Variants in ZNF665 observed in about 807,000 individuals in gnomAD.
The protein encoded by ZNF665 is zinc finger protein 665.
Under a neutral mutation model 7.9 loss-of-function variants are expected in ZNF665, and 6 were observed. The ratio of observed to expected loss-of-function variants is 0.76; its 90% CI spans 0.42 to 1.50. The LOEUF (loss-of-function observed/expected upper bound fraction) is 1.50, where lower values mean the gene tolerates loss of function less well. Among genes scored for constraint, ZNF665 ranks in the 40% most tolerant of loss-of-function variants. The probability of loss-of-function intolerance (pLI) is 0.01; values close to 1 mark genes in which losing one functional copy is unlikely to be tolerated. For missense variants in ZNF665, 819 were observed against 806.7 expected, an observed-to-expected ratio of 1.02 and a Z score of -0.18; for synonymous variants, 242 against 274.5, an observed-to-expected ratio of 0.88 and a Z score of 1.17.
At position 53,164,765 on chromosome 19, in the gene ZNF665, G is replaced by C. The variant is rs184736845; in HGVS notation, c.1725C>G (p.Cys575Trp). 2.2e-5 allele frequency: 36 copies of C among 1,613,852 alleles called. No homozygotes were observed. The highest frequency in any genetic ancestry group is 2.7e-5 in the Non-Finnish European group (32 of 1,180,006). Residue 575 changes from cysteine (C) to tryptophan (W), a missense_variant, in exon 4 of 4, where the codon TGC becomes TGG. Cys to Trp is a radical substitution (Grantham distance 215, BLOSUM62 -2). Transcript: ENST00000396424. ...TGEKPYKCNE[C>W]GKAFSVHSNL... ...TTGAATGTACACTAAATGCTTTGCC[G>C]CACTCATTACACTTATAAGGTTTCT...
chr19:53,169,788 G>T (rs1261598825), intron 3 of ZNF665, among the ~76,000 whole-genome samples: 1 of 148,384 alleles, frequency 6.7e-6, no homozygotes, highest in Non-Finnish European at 1.5e-5. Context: ...GCGGTGTTTG[G>T]TTTTTTGTTC....
intron 1 of ZNF665, among the ~76,000 whole-genome samples, chr19:53,189,441 G>A (rs557606926): frequency 1.7e-4 from 25 of 148,720 alleles, no homozygotes; most frequent in Admixed American, 1.5e-3. Flanking sequence ...TCCAATGATA[G>A]GTAAGGTCAC....
chr19:53,168,250 T>C (rs530934637), intron 3 of ZNF665, among the ~76,000 whole-genome samples: 11 of 152,190 alleles, frequency 7.2e-5, no homozygotes, highest in Admixed American at 2.0e-4. Flanking sequence ...CTAGTGAGTT[T>C]AGCAAGGTTG....
At chr19:53,177,105 C>T (rs572112568) in intron 2 of ZNF665, among the ~76,000 whole-genome samples, 12 of 149,284 alleles carry the variant, frequency 8.0e-5, no homozygotes, top group Admixed American at 1.3e-4. Context: ...GGCAACAGAG[C>T]GAGATTCTAT....
At chr19:53,193,023 A>G (rs191438286) in intron 1 of ZNF665, among the ~76,000 whole-genome samples, 159 of 152,298 alleles carry the variant, frequency 1.0e-3, no homozygotes, top group Middle Eastern at 3.4e-3. Flanking sequence ...CCCACTTCGC[A>G]GATGAGGACT....
At position 53,162,846 on chromosome 19, in the gene ZNF665, C is replaced by A. The variant is rs1270600084; in HGVS notation, c.*1607G>T. ...CCAGCCTGGGCAACAGAACAAGACTCCATCTCAAAAAAAAAAAAAAAAATC... is the reference window on the plus strand; with the variant it reads ...CCAGCCTGGGCAACAGAACAAGACTACATCTCAAAAAAAAAAAAAAAAATC... On this transcript the variant is annotated 3_prime_UTR_variant, in exon 4 of 4. Transcript: ENST00000396424. The A allele has an allele frequency of 8.8e-6, 1 of 113,696 alleles. No homozygotes were observed. The highest frequency in any genetic ancestry group is 2.0e-5 in the Non-Finnish European group (1 of 50,468). The allele number at this position is 113,696 out of a possible 1,614,324, so 7.0% of individuals were successfully genotyped here. A position where few individuals can be genotyped will look rare whatever the true frequency, so the allele number is the denominator to read the frequency against.
chr19:53,168,079 A>AAAAAAG (rs1568656290), intron 3 of ZNF665, among the ~76,000 whole-genome samples: 2 of 48,306 alleles, frequency 4.1e-5, no homozygotes, highest in African/African-American at 1.7e-4. Context: ...AAAAAAAAAA[A>AAAAAAG]AAAGAAAGAA....
chr19:53,167,778 G>T (rs989197223), intron 3 of ZNF665, among the ~76,000 whole-genome samples: 6 of 148,594 alleles, frequency 4.0e-5, no homozygotes, highest in African/African-American at 1.5e-4. Flanking sequence ...GGAGTCTGCC[G>T]GGCGCCGGTG....
At chr19:53,174,940 C>T (rs144576671) in intron 3 of ZNF665, among the ~76,000 whole-genome samples, 2,068 of 131,700 alleles carry the variant, frequency 0.016, 20 homozygotes, top group African/African-American at 0.028. Context: ...GGTGAAACTC[C>T]GTCTCAAAAA....
In ZNF665 at chr19:53,164,750, A is replaced by G. The variant is rs2090592518; in HGVS notation, c.1740T>C (p.Ser580=). Residue 580 remains serine, a synonymous_variant, in exon 4 of 4, where the codon AGT becomes AGC. Coordinates refer to ENST00000396424, the MANE Select transcript of ZNF665 (RefSeq NM_024733.5). ...YKCNECGKAF[S]VHSNLATHQV... ...GATGGGTAGCTAGGTTTGAATGTACACTAAATGCTTTGCCGCACTCATTAC... is the reference window on the plus strand; with the variant it reads ...GATGGGTAGCTAGGTTTGAATGTACGCTAAATGCTTTGCCGCACTCATTAC... 1.9e-6 allele frequency: 3 copies of G among 1,614,102 alleles called. No individual in the cohort carries two copies. The highest frequency in any genetic ancestry group is 1.6e-4 in the Middle Eastern group (1 of 6,084).
intron 2 of ZNF665, among the ~76,000 whole-genome samples, chr19:53,179,035 C>A (rs1243270955): frequency 6.6e-6 from 1 of 152,100 alleles, no homozygotes; most frequent in Non-Finnish European, 1.5e-5. Context: ...GACTTTCTCA[C>A]TGGAAATTTG....
intron 2 of ZNF665, chr19:53,182,428 G>A (rs535750236): frequency 9.1e-6 from 4 of 441,332 alleles, no homozygotes; most frequent in African/African-American, 4.0e-5. Flanking sequence ...TCACTTGTTC[G>A]GCATCAAATG....
chr19:53,192,798 C>A (rs550929809), intron 1 of ZNF665, among the ~76,000 whole-genome samples: 1 of 152,166 alleles, frequency 6.6e-6, no homozygotes, highest in South Asian at 2.1e-4. Flanking sequence ...CCAACGCGGG[C>A]TCAGGGGAAA....
At chr19:53,167,307 G>A (rs1436585938) in intron 3 of ZNF665, among the ~76,000 whole-genome samples, 1 of 151,858 alleles carries the variant, frequency 6.6e-6, no homozygotes, top group African/African-American at 2.4e-5. Context: ...AGCCCCAACA[G>A]TTGTATTTCT....
intron 3 of ZNF665, among the ~76,000 whole-genome samples, chr19:53,167,591 C>T (rs1310994562): frequency 4.7e-5 from 7 of 149,850 alleles, no homozygotes; most frequent in Admixed American, 2.0e-4. Flanking sequence ...GGACTACAGG[C>T]GCCCGCCACC....
chr19:53,184,182 G>A lies in ZNF665; in HGVS notation c.-45-1239C>T, dbSNP rs954927414. On this transcript the variant is annotated intron_variant, in intron 1 of 3. Transcript: ENST00000396424. The stretch of plus-strand genomic sequence containing the variant: ...GGAGGATGGCTTGAGGACAGGAGGT[G>A]GAGGTTGCAGTGAGCCAAGATCACA... Among the ~76,000 whole-genome samples, 25 of 152,036 alleles carry A rather than the reference G, an allele frequency of 1.6e-4. 1 individual carries two copies. Among genetic ancestry groups the A allele is most frequent in the African/African-American group, 5.8e-4 (24 of 41,378 alleles).
Position 53,166,323 on chromosome 19 carries a change from G to A in ZNF665, c.167C>T (p.Thr56Met), listed in dbSNP as rs371699472. 42 of 1,588,044 alleles carry A rather than the reference G, an allele frequency of 2.6e-5. No homozygotes were observed. The highest frequency in any genetic ancestry group is 2.0e-4 in the African/African-American group (15 of 73,844). ...GTTCTTCCCCTTTGGTGGCAAATCC[G>A]TGTTTACACATTTACAAGAGATATC... ...SLDISCKCVN[T>M]DLPPKGKNNM... Residue 56 changes from threonine (T) to methionine (M), a missense_variant, in exon 4 of 4, where the codon ACG becomes ATG. By Grantham distance (81) the Thr-to-Met change is moderately conservative (BLOSUM62 -1). Coordinates refer to ENST00000396424, the MANE Select transcript of ZNF665 (RefSeq NM_024733.5).
chr19:53,179,359 C>G (rs548940993), intron 2 of ZNF665, among the ~76,000 whole-genome samples: 96 of 110,808 alleles, frequency 8.7e-4, no homozygotes, highest in African/African-American at 3.0e-3. Flanking sequence ...CTGGGTGACA[C>G]AGAGCGAGAT....
intron 1 of ZNF665, 70 bp from the exon 2 acceptor site, chr19:53,183,013 A>G: frequency 6.8e-7 from 1 of 1,477,794 alleles, no homozygotes; most frequent in Non-Finnish European, 9.4e-7. Flanking sequence ...GTTGGTTAGA[A>G]TCAACACACC....
Sources: gnomAD v4.1 joint callset for allele counts (sites outside exome capture counted in the v4.1 genomes callset) on GRCh38, gnomAD v4.1.1 for gene constraint, MANE v1.5 for transcripts, NCBI Gene and HGNC (gene_info 2026-07-23, HGNC 2026-07-21) for gene names.